The following PRMT8 variants were observed in gnomAD, a reference collection of about 807,000 sequenced individuals.
PRMT8 encodes the protein protein arginine methyltransferase 8, also known as protein arginine N-methyltransferase 8.
In PRMT8, 7 loss-of-function variants were observed where a neutral mutation model predicts 47.1. The ratio of observed to expected loss-of-function variants is 0.15; its 90% CI spans 0.08 to 0.28. PRMT8 has a LOEUF of 0.28. PRMT8 is among the 10% of genes least tolerant of loss of function. PRMT8 has a pLI of 1.00. For synonymous variants in PRMT8, 188 were observed against 186.5 expected (o/e 1.01, Z -0.07); for missense variants, 237 against 505.4 (o/e 0.47, Z 5.09).
intron 1 of PRMT8, among the ~76,000 whole-genome samples, chr12:3,506,147 C>G (rs117549413): frequency 6.6e-6 from 1 of 152,316 alleles, no homozygotes; most frequent in East Asian, 1.9e-4. Context: ...TCCTAGCTTG[C>G]ATCGCTTACT....
rs772186086 is a variant in PRMT8, at chr12:3,568,771, A to G, written c.547A>G (p.Ile183Val). ...GCCTGTGGAGAAGGTGGACATCATC[A>G]TCAGCGAGTGGATGGGCTACTGTCT... Reference protein sequence around the residue: ...ELPVEKVDIIISEWMGYCLFY... With the variant: ...ELPVEKVDIIVSEWMGYCLFY... The change falls in exon 5 of 10, where the codon ATC (isoleucine) becomes GTC (valine). Residue 183 changes from isoleucine (I) to valine (V), a missense_variant. Around this residue, in one of 5 missense-constraint regions of PRMT8, gnomAD observed 151 missense variants for 341.1 expected, o/e 0.44. Coordinates refer to ENST00000382622, the MANE Select transcript of PRMT8 (RefSeq NM_019854.5). The G allele has an allele frequency of 6.2e-7, 1 of 1,614,184 alleles. No homozygotes were observed. Among genetic ancestry groups the G allele is most frequent in the Non-Finnish European group, 8.5e-7 (1 of 1,180,022 alleles).
chr12:3,439,406 G>T (rs138611720), intron 1 of PRMT8, among the ~76,000 whole-genome samples: 3 of 152,076 alleles, frequency 2.0e-5, no homozygotes, highest in Non-Finnish European at 4.4e-5. Flanking sequence ...CCTTGGGAAA[G>T]CTTGAGAGAT....
At chr12:3,524,128 C>G (rs1865919919) in intron 1 of PRMT8, among the ~76,000 whole-genome samples, 1 of 152,206 alleles carries the variant, frequency 6.6e-6, no homozygotes, top group Admixed American at 6.5e-5. Flanking sequence ...CAAGAATCCA[C>G]ATGGCCACCA....
chr12:3,568,470 G>T (rs190337005), intron 4 of PRMT8, among the ~76,000 whole-genome samples: 1 of 152,218 alleles, frequency 6.6e-6, no homozygotes. Context: ...CGCATATAAC[G>T]GGCTTAGCGC....
intron 1 of PRMT8, among the ~76,000 whole-genome samples, chr12:3,520,945 C>T (rs113020070): frequency 6.6e-6 from 1 of 152,300 alleles, no homozygotes; most frequent in African/African-American, 2.4e-5. Flanking sequence ...CAAAGATAGC[C>T]ATAGTTCATG....
Position 3,568,460 on chromosome 12 carries a change from C to T in PRMT8, c.482-246C>T, listed in dbSNP as rs554620994. On this transcript the variant is annotated intron_variant, in intron 4 of 9. Transcript: ENST00000382622. ...CTGTTGGAAGGATGACGTGATACCA[C>T]GCATATAACGGGCTTAGCGCTATGC... 7.2e-5 allele frequency among the ~76,000 whole-genome samples: 11 copies of T among 152,324 alleles called. No homozygotes were observed. In the East Asian group the frequency reaches 7.7e-4, roughly 11 times the overall value.
At chr12:3,515,590 G>A (rs58450043) in intron 1 of PRMT8, among the ~76,000 whole-genome samples, 2,009 of 152,310 alleles carry the variant, frequency 0.013, 42 homozygotes, top group African/African-American at 0.044. Context: ...CTCTGGGGAC[G>A]GGGCCAGCAA....
At chr12:3,496,796 T>C (rs1865516673) in intron 1 of PRMT8, among the ~76,000 whole-genome samples, 1 of 152,232 alleles carries the variant, frequency 6.6e-6, no homozygotes, top group Non-Finnish European at 1.5e-5. Context: ...ATTCTCCCAC[T>C]TTCTCATTTC....
chr12:3,550,253 A>T lies in PRMT8; in HGVS notation c.417+162A>T. 4 of 817,470 alleles carry T rather than the reference A, an allele frequency of 4.9e-6. No individual in the cohort carries two copies. Among genetic ancestry groups the T allele is most frequent in the Non-Finnish European group, 7.6e-6 (4 of 529,042 alleles). The allele number at this position is 817,470 out of a possible 1,614,324, so 50.6% of individuals were successfully genotyped here. A position where few individuals can be genotyped will look rare whatever the true frequency, so the allele number is the denominator to read the frequency against. ...ATCAGGTGTGACTCTCAGGAAGGGG[A>T]GCAGGCTGCCTGTCCCCTGTGCATG... On this transcript the variant is annotated intron_variant, in intron 3 of 9. Transcript: ENST00000382622. This position sits in a 1 kb window ranked among gnomAD's most constrained non-coding sequence, Gnocchi z 5.1.
intron 1 of PRMT8, among the ~76,000 whole-genome samples, chr12:3,481,398 A>C (rs1251427775): frequency 6.6e-6 from 1 of 152,194 alleles, no homozygotes; most frequent in Admixed American, 6.5e-5. Context: ...CTCCACCCTG[A>C]CACTGGCTTT....
At position 3,592,275 on chromosome 12, in the gene PRMT8, T is replaced by C. The variant is rs1376451893; in HGVS notation, c.1024T>C (p.Leu342=). 6.3e-7 allele frequency: 1 copy of C among 1,596,790 alleles called. No homozygotes were observed. Among genetic ancestry groups the C allele is most frequent in the East Asian group, 2.3e-5 (1 of 43,626 alleles). ...YTHWKQTVFY[L]EDYLTVRRGE... ...CCACTGGAAGCAGACCGTCTTCTACTTGGAAGATTACCTCACTGTCCGGAG... is the reference window on the plus strand; with the variant it reads ...CCACTGGAAGCAGACCGTCTTCTACCTGGAAGATTACCTCACTGTCCGGAG... The change falls in exon 9 of 10, where the codon TTG becomes CTG. Residue 342 remains leucine, a synonymous_variant. Transcript: ENST00000382622.
chr12:3,569,944 G>A lies in PRMT8; in HGVS notation c.712+380G>A, dbSNP rs564744138. 1.3e-5 allele frequency among the ~76,000 whole-genome samples: 2 copies of A among 152,210 alleles called. No individual in the cohort carries two copies. Among genetic ancestry groups the A allele is most frequent in the South Asian group, 4.1e-4 (2 of 4,830 alleles). ...CCACCGCAGGGGTCTGAAGTAGCAG[G>A]TCTCTTGCCAGGCCAATTGTTTTGA... On this transcript the variant is annotated intron_variant, in intron 6 of 9. Coordinates refer to ENST00000382622, the MANE Select transcript of PRMT8 (RefSeq NM_019854.5). The surrounding 1 kb of genome is among the most constrained non-coding windows in gnomAD (Gnocchi z 8.2).
At chr12:3,556,923 C>T (rs561134489) in intron 4 of PRMT8, among the ~76,000 whole-genome samples, 139 of 152,212 alleles carry the variant, frequency 9.1e-4, no homozygotes, top group African/African-American at 3.2e-3. Context: ...GGAGAGGCGG[C>T]CTTTGCCTTG....
chr12:3,439,406 G>C (rs138611720), intron 1 of PRMT8, among the ~76,000 whole-genome samples: 2 of 152,194 alleles, frequency 1.3e-5, no homozygotes, highest in Admixed American at 1.3e-4. Context: ...CCTTGGGAAA[G>C]CTTGAGAGAT....
upstream of PRMT8, among the ~76,000 whole-genome samples, chr12:3,486,845 T>C (rs951805815): frequency 1.3e-5 from 2 of 152,376 alleles, no homozygotes; most frequent in South Asian, 2.1e-4. Flanking sequence ...CCGCAGTGAA[T>C]TGATTTAATC....
chr12:3,593,360 C>T lies in PRMT8; in HGVS notation c.*178C>T. On this transcript the variant is annotated 3_prime_UTR_variant, in exon 10 of 10. Transcript: ENST00000382622. The surrounding 1 kb of genome is among the most constrained non-coding windows in gnomAD (Gnocchi z 4.8). ...TGGGCTCTGCCACTGGACAGAAGGC[C>T]TCCAGCTCCTCCGCTCTGCCCTGGT... 3.4e-6 allele frequency: 2 copies of T among 586,854 alleles called. No homozygotes were observed. The highest frequency in any genetic ancestry group is 3.0e-6 in the Non-Finnish European group (1 of 335,276). 36.4% of individuals were successfully genotyped at this position (586,854 alleles called of 1,614,324 possible).
intron 1 of PRMT8, among the ~76,000 whole-genome samples, chr12:3,485,075 G>A (rs1865309711): frequency 6.6e-6 from 1 of 152,152 alleles, no homozygotes; most frequent in Non-Finnish European, 1.5e-5. Flanking sequence ...TAAGAGACAG[G>A]TAACTGATGC....
At chr12:3,460,512 C>T (rs1416202643) in intron 1 of PRMT8, among the ~76,000 whole-genome samples, 1 of 152,042 alleles carries the variant, frequency 6.6e-6, no homozygotes, top group Non-Finnish European at 1.5e-5. Context: ...TTTGGCTGTT[C>T]ATAGGCAATG....
rs905887866 is a variant in PRMT8, at chr12:3,550,299, A to G, written c.417+208A>G. Reference sequence around the variant, plus strand: ...GCATGGCTCCTGGATCCTTACAACCACTGACATTTGCGGAGGAACTGTGGC... The same window carrying G: ...GCATGGCTCCTGGATCCTTACAACCGCTGACATTTGCGGAGGAACTGTGGC... On this transcript the variant is annotated intron_variant, in intron 3 of 9. Transcript: ENST00000382622. The surrounding 1 kb of genome is among the most constrained non-coding windows in gnomAD (Gnocchi z 5.1). The G allele has an allele frequency of 3.2e-5, 18 of 554,852 alleles. No homozygotes were observed. The highest frequency in any genetic ancestry group is 3.0e-4 in the Admixed American group (10 of 32,868). 34.4% of individuals were successfully genotyped at this position (554,852 alleles called of 1,614,324 possible).
Sources: allele counts gnomAD v4.1 joint callset (sites outside exome capture counted in the v4.1 genomes callset), GRCh38; gene constraint gnomAD v4.1.1; regional missense constraint gnomAD v4.1.1; non-coding constraint Gnocchi (gnomAD v3.1); transcripts MANE v1.5; gene names NCBI Gene and HGNC (gene_info 2026-07-23, HGNC 2026-07-21).